Variants in ZNF253 observed in about 807,000 individuals in gnomAD.
The protein encoded by ZNF253 is DNA-binding protein.
ZNF253 carries 8 observed loss-of-function variants against 11.9 expected under a neutral mutation model. The ratio of observed to expected loss-of-function variants is 0.67; its 90% CI spans 0.40 to 1.22. The LOEUF (loss-of-function observed/expected upper bound fraction) is 1.22, where lower values mean the gene tolerates loss of function less well. Among genes scored for constraint, ZNF253 ranks in the 50% most tolerant of loss-of-function variants. The pLI, the probability that ZNF253 is intolerant of heterozygous loss-of-function variation, is 0.01. For synonymous variants in ZNF253, 194 were observed against 194.9 expected (o/e 1.00, Z 0.04); for missense variants, 485 against 586.9 (o/e 0.83, Z 1.79).
At position 19,892,334 on chromosome 19, in the gene ZNF253, A is replaced by G. The variant is rs565891665; in HGVS notation, c.1087A>G (p.Thr363Ala). Residue 363 changes from threonine (T) to alanine (A), a missense_variant, in exon 4 of 4, where the codon ACT becomes GCT. Thr to Ala is a moderately conservative substitution (Grantham distance 58, BLOSUM62 0). Transcript: ENST00000589717. ...SHLTTHKILH[T>A]GEKPYRCREC... ...CCTTACTACACATAAGATACTTCAT[A>G]CTGGAGAGAAACCCTACAGATGTAG... 1 of 1,611,736 alleles carries G rather than the reference A, an allele frequency of 6.2e-7. No individual in the cohort carries two copies. Among genetic ancestry groups the G allele is most frequent in the Admixed American group, 1.7e-5 (1 of 59,914 alleles).
rs761391051 is a variant in ZNF253, at chr19:19,892,575, A to G, written c.1328A>G (p.Lys443Arg). Reference sequence around the variant, plus strand: ...GCATCCTCAACTCTAACTACACATAAGAGAATTCATACTGGAGAGAAACCT... The same window carrying G: ...GCATCCTCAACTCTAACTACACATAGGAGAATTCATACTGGAGAGAAACCT... ...FTASSTLTTHKRIHTGEKPYK... is the reference protein window; with the variant it reads ...FTASSTLTTHRRIHTGEKPYK... Residue 443 changes from lysine to arginine, a missense_variant, in exon 4 of 4, where the codon AAG becomes AGG. Physicochemically the swap from Lys to Arg is conservative, Grantham distance 26. Coordinates refer to ENST00000589717, the MANE Select transcript of ZNF253 (RefSeq NM_021047.3). 6.8e-6 allele frequency: 11 copies of G among 1,614,056 alleles called. No individual in the cohort carries two copies. Among genetic ancestry groups the G allele is most frequent in the Admixed American group, 1.7e-5 (1 of 60,006 alleles).
Position 19,892,180 on chromosome 19 carries a change from C to T in ZNF253, c.933C>T (p.Pro311=), listed in dbSNP as rs759013737. The T allele has an allele frequency of 3.7e-5, 60 of 1,613,452 alleles. 1 individual carries two copies. The South Asian group carries it at 6.2e-4, about 17-fold the overall frequency. The part of the protein sequence containing the change: ...THKKIHTRGK[P]YNCEECGKSF... ...AGAAAATTCATACTAGAGGGAAACC[C>T]TACAACTGTGAAGAATGTGGCAAAT... Residue 311 remains proline, a synonymous_variant, in exon 4 of 4, where the codon CCC becomes CCT. Transcript: ENST00000589717.
rs2063245555 is a variant in ZNF253 at position 19,894,305 on chromosome 19, A to G, written c.*1558A>G. On this transcript the variant is annotated 3_prime_UTR_variant, in exon 4 of 4. Transcript: ENST00000589717. ...TACAGCTTTCACATTGCTTTATGCT[A>G]TTTTATTCCTATTATATTCACATGT... The G allele has an allele frequency of 6.6e-6, 1 of 152,194 alleles. No homozygotes were observed. Among genetic ancestry groups the G allele is most frequent in the Non-Finnish European group, 1.5e-5 (1 of 68,018 alleles). 9.4% of individuals were successfully genotyped at this position (152,194 alleles called of 1,614,324 possible). A position where few individuals can be genotyped will look rare whatever the true frequency, so the allele number is the denominator to read the frequency against.
chr19:19,872,217 T>A (rs1437488148), intron 1 of ZNF253, among the ~76,000 whole-genome samples: 1 of 152,110 alleles, frequency 6.6e-6, no homozygotes, highest in Non-Finnish European at 1.5e-5. Context: ...TGAATAGATG[T>A]GTAGACAAGA....
In ZNF253 at chr19:19,893,793, T is replaced by A. The variant is rs1599561600; in HGVS notation, c.*1046T>A. 6.6e-6 allele frequency: 1 copy of A among 152,206 alleles called. No individual in the cohort carries two copies. Among genetic ancestry groups the A allele is most frequent in the Non-Finnish European group, 1.5e-5 (1 of 68,026 alleles). 9.4% of individuals were successfully genotyped at this position (152,206 alleles called of 1,614,324 possible). A position where few individuals can be genotyped will look rare whatever the true frequency, so the allele number is the denominator to read the frequency against. ...ATTCTGAAGACAGCCATTACAAATA[T>A]AAAGGGGGTTGTAGTGCCTTTACTT... On this transcript the variant is annotated 3_prime_UTR_variant, in exon 4 of 4. Transcript: ENST00000589717.
chr19:19,866,114 T>A (rs2063109890), intron 1 of ZNF253, 115 bp downstream of exon 1: 1 of 1,416,402 alleles, frequency 7.1e-7, no homozygotes, highest in African/African-American at 1.4e-5. Flanking sequence ...CCGCCGGAGT[T>A]CTCCCTGCCC....
chr19:19,889,059 G>A (rs1298681215), intron 3 of ZNF253, among the ~76,000 whole-genome samples: 1 of 151,914 alleles, frequency 6.6e-6, no homozygotes, highest in Admixed American at 6.5e-5. Flanking sequence ...TTTTTATCTT[G>A]CAGCACCCAA....
intron 3 of ZNF253, among the ~76,000 whole-genome samples, chr19:19,885,590 A>G (rs1445841898): frequency 6.6e-6 from 1 of 151,628 alleles, no homozygotes; most frequent in African/African-American, 2.4e-5. Context: ...ACGGGGTTTC[A>G]CCATGTTAGC....
intron 1 of ZNF253, among the ~76,000 whole-genome samples, chr19:19,875,630 C>T (rs1156248234): frequency 4.6e-5 from 7 of 152,104 alleles, no homozygotes; most frequent in African/African-American, 1.7e-4. Flanking sequence ...CTCCTGACCT[C>T]GTGATCCGCC....
intron 1 of ZNF253, among the ~76,000 whole-genome samples, chr19:19,869,497 G>T (rs2145254987): frequency 6.6e-6 from 1 of 151,972 alleles, no homozygotes; most frequent in South Asian, 2.1e-4. Context: ...CAGTAGCTGG[G>T]ATTACAGGCA....
At chr19:19,871,264 C>T (rs2063132811) in intron 1 of ZNF253, 1 of 152,762 alleles carries the variant, frequency 6.5e-6, no homozygotes, top group African/African-American at 2.4e-5. Context: ...GGCCTGCAGG[C>T]TCTCCTCCTG....
intron 1 of ZNF253, among the ~76,000 whole-genome samples, chr19:19,873,874 C>A (rs975770296): frequency 1.3e-5 from 2 of 152,050 alleles, no homozygotes; most frequent in Non-Finnish European, 2.9e-5. Context: ...GATGTCTACA[C>A]CTGTAGGGAT....
chr19:19,868,995 G>C (rs538257681), intron 1 of ZNF253, among the ~76,000 whole-genome samples: 15 of 152,140 alleles, frequency 9.9e-5, no homozygotes, highest in African/African-American at 3.6e-4. Flanking sequence ...TTATCTTTAT[G>C]TAGTACTTCA....
intron 3 of ZNF253, among the ~76,000 whole-genome samples, chr19:19,885,797 G>C (rs2063204473): frequency 1.3e-5 from 2 of 152,060 alleles, no homozygotes; most frequent in Admixed American, 1.3e-4. Context: ...TATTTTATCA[G>C]TGTTGATACT....
chr19:19,865,836 CATGG>C, upstream of ZNF253: 1 of 938,364 alleles, frequency 1.1e-6, no homozygotes, highest in Non-Finnish European at 1.7e-6. Flanking sequence ...GAGCGAACCA[CATGG>C]TTTCTGGGGG....
chr19:19,876,340 G>T (rs966204946), intron 1 of ZNF253, among the ~76,000 whole-genome samples: 1 of 151,768 alleles, frequency 6.6e-6, no homozygotes, highest in South Asian at 2.1e-4. Context: ...TGAGAGTTAA[G>T]TTCCACCTTT....
intron 1 of ZNF253, among the ~76,000 whole-genome samples, chr19:19,868,196 A>G (rs554446607): frequency 3.9e-5 from 6 of 152,232 alleles, no homozygotes; most frequent in African/African-American, 1.2e-4. Flanking sequence ...TCTTTAGTTC[A>G]AATAGGTCCC....
chr19:19,875,438 C>G lies in ZNF253; in HGVS notation c.4-3043C>G, dbSNP rs1301462213. ...TTGAGATGGAGTGTCTCTCTGTCGCCCAGGCTGGAGTGCAGTGGTGGATCT... is the reference window on the plus strand; with the variant it reads ...TTGAGATGGAGTGTCTCTCTGTCGCGCAGGCTGGAGTGCAGTGGTGGATCT... On this transcript the variant is annotated intron_variant, in intron 1 of 3. Coordinates refer to ENST00000589717, the MANE Select transcript of ZNF253 (RefSeq NM_021047.3). Among the ~76,000 whole-genome samples the G allele has an allele frequency of 2.6e-5, 4 of 151,332 alleles. No individual in the cohort carries two copies. In the East Asian group the frequency reaches 7.8e-4, roughly 29 times the overall value.
At chr19:19,867,932 TTTCTC>T (rs1057453426) in intron 1 of ZNF253, among the ~76,000 whole-genome samples, 144 of 151,854 alleles carry the variant, frequency 9.5e-4, no homozygotes, top group African/African-American at 3.2e-3. Flanking sequence ...TTTCTCTTAA[TTTCTC>T]TAATGATTAG....
Sources: gnomAD v4.1 joint callset for allele counts (sites outside exome capture counted in the v4.1 genomes callset) on GRCh38, gnomAD v4.1.1 for gene constraint, MANE v1.5 for transcripts, NCBI Gene and HGNC (gene_info 2026-07-23, HGNC 2026-07-21) for gene names.